The following RALGAPA1 variants were observed in gnomAD, a reference collection of about 807,000 sequenced individuals.
The protein encoded by RALGAPA1 is ral GTPase-activating protein subunit alpha-1.
In RALGAPA1, 52 loss-of-function variants were observed where a neutral mutation model predicts 269.6. The ratio of observed to expected loss-of-function variants is 0.19; its 90% CI spans 0.15 to 0.24. The LOEUF is 0.24. RALGAPA1 is among the 10% of genes least tolerant of loss of function. The probability of loss-of-function intolerance (pLI) is 1.00; values close to 1 mark genes in which losing one functional copy is unlikely to be tolerated. For synonymous variants in RALGAPA1, 817 were observed against 1,008.3 expected, an observed-to-expected ratio of 0.81 and a Z score of 3.60; for missense variants, 1,917 against 3,013.9, an observed-to-expected ratio of 0.64 and a Z score of 8.52.
rs755814149 is a variant in RALGAPA1, at chr14:35,689,962, T to G, written c.2449A>C (p.Arg817=). The part of the protein sequence containing the change: ...AQILPRSTRV[R]HFSQSEETGN... ...GTTTCTTCACTTTGTGAAAAATGTC[T>G]GACTCTAGTTGAGCGGGGAAGTATT... The change falls in exon 18 of 42, where the codon AGA becomes CGA. Residue 817 remains arginine (R), a synonymous_variant. Coordinates refer to ENST00000680220, the MANE Select transcript of RALGAPA1 (RefSeq NM_001346249.2). 10 of 1,599,084 alleles carry G rather than the reference T, an allele frequency of 6.3e-6. No individual in the cohort carries two copies. The highest frequency in any genetic ancestry group is 8.5e-6 in the Non-Finnish European group (10 of 1,175,320).
intron 1 of RALGAPA1, among the ~76,000 whole-genome samples, chr14:35,781,702 C>T (rs903587275): frequency 2.0e-5 from 3 of 152,026 alleles, no homozygotes; most frequent in African/African-American, 4.8e-5. Context: ...CACTGTAATA[C>T]CTTATGTTAA....
intron 35 of RALGAPA1, among the ~76,000 whole-genome samples, chr14:35,618,037 T>C (rs576685482): frequency 6.6e-5 from 10 of 152,164 alleles, no homozygotes; most frequent in African/African-American, 2.2e-4. Flanking sequence ...TCCCAAGAGC[T>C]AAAACCTGGA....
At chr14:35,612,157 A>C (rs946591917) in intron 35 of RALGAPA1, among the ~76,000 whole-genome samples, 4 of 152,116 alleles carry the variant, frequency 2.6e-5, no homozygotes, top group Admixed American at 6.5e-5. Flanking sequence ...AGACTGCTAG[A>C]GCTCAGGAGT....
At chr14:35,783,705 G>T (rs909328948) in intron 1 of RALGAPA1, among the ~76,000 whole-genome samples, 22 of 151,994 alleles carry the variant, frequency 1.4e-4, no homozygotes, top group African/African-American at 5.1e-4. Context: ...AATATAGAAA[G>T]AATTCTTATA....
chr14:35,677,904 G>C lies in RALGAPA1; in HGVS notation c.4624+46C>G, dbSNP rs755638147. ...GCCTTATTTATGATCTCCTGACACT[G>C]ACGCCCTAAAAGAAAAAAGGTAAAT... On this transcript the variant is annotated intron_variant, in intron 22 of 41. Transcript: ENST00000680220. 6.1e-5 allele frequency: 96 copies of C among 1,562,690 alleles called. 3 individuals carry two copies. In the South Asian group the frequency reaches 1.1e-3, roughly 17 times the overall value.
chr14:35,778,920 G>A (rs1216264802), intron 1 of RALGAPA1, among the ~76,000 whole-genome samples: 1 of 152,126 alleles, frequency 6.6e-6, no homozygotes, highest in Non-Finnish European at 1.5e-5. Context: ...TATGAAATTA[G>A]TACCATTATT....
intron 39 of RALGAPA1, among the ~76,000 whole-genome samples, chr14:35,549,765 T>C (rs1230592369): frequency 6.6e-6 from 1 of 152,194 alleles, no homozygotes; most frequent in Non-Finnish European, 1.5e-5. Flanking sequence ...TTCTCAACAA[T>C]TGTTCTCATT....
chr14:35,727,329 A>ATATATATG (rs2070043915), intron 13 of RALGAPA1, among the ~76,000 whole-genome samples: 1 of 144,910 alleles, frequency 6.9e-6, no homozygotes, highest in Admixed American at 6.9e-5. Context: ...ATATATATAT[A>ATATATATG]TATATATATA....
chr14:35,550,078 G>GT (rs1399920859), intron 39 of RALGAPA1, among the ~76,000 whole-genome samples: 3 of 152,194 alleles, frequency 2.0e-5, no homozygotes, highest in Non-Finnish European at 2.9e-5. Context: ...CAGGCTTCCT[G>GT]TTTCAGCAGG....
intron 15 of RALGAPA1, among the ~76,000 whole-genome samples, chr14:35,722,072 T>C (rs1294674372): frequency 6.6e-6 from 1 of 152,022 alleles, no homozygotes; most frequent in Non-Finnish European, 1.5e-5. Context: ...AGCAATAAGC[T>C]ATTAGAAATT....
chr14:35,762,250 T>TTTTTTG (rs886934515), intron 5 of RALGAPA1, among the ~76,000 whole-genome samples: 2 of 152,070 alleles, frequency 1.3e-5, no homozygotes, highest in East Asian at 1.9e-4. Context: ...GCTACGTTTT[T>TTTTTTG]TTTTTGTTTT....
intron 21 of RALGAPA1, among the ~76,000 whole-genome samples, chr14:35,681,387 G>A (rs2065425415): frequency 3.3e-5 from 5 of 152,070 alleles, no homozygotes; most frequent in Admixed American, 3.3e-4. Flanking sequence ...ACTACATAGA[G>A]TAAATATAGG....
intron 1 of RALGAPA1, among the ~76,000 whole-genome samples, chr14:35,777,056 T>C (rs2075090131): frequency 6.6e-6 from 1 of 152,182 alleles, no homozygotes; most frequent in Non-Finnish European, 1.5e-5. Flanking sequence ...AGAAATATAA[T>C]GCAAGCCACA....
chr14:35,767,759 C>T (rs189065059), intron 4 of RALGAPA1, among the ~76,000 whole-genome samples: 16 of 152,102 alleles, frequency 1.1e-4, no homozygotes, highest in Non-Finnish European at 8.8e-5. Flanking sequence ...CAGAATTTCT[C>T]TCTTTTTTAA....
intron 17 of RALGAPA1, among the ~76,000 whole-genome samples, chr14:35,691,521 A>G (rs1005866812): frequency 6.6e-6 from 1 of 152,234 alleles, no homozygotes; most frequent in African/African-American, 2.4e-5. Context: ...GAGAAAATTT[A>G]GATCCAGAAG....
intron 31 of RALGAPA1, among the ~76,000 whole-genome samples, chr14:35,650,239 G>T (rs1005350817): frequency 3.3e-5 from 5 of 151,384 alleles, no homozygotes; most frequent in African/African-American, 1.2e-4. Context: ...TAAAAAATTA[G>T]CCAGGCATGG....
chr14:35,705,413 T>C (rs11844916), intron 16 of RALGAPA1, among the ~76,000 whole-genome samples: 3,347 of 152,220 alleles, frequency 0.022, 124 homozygotes, highest in African/African-American at 0.076. Flanking sequence ...CACAATGTCA[T>C]ATATTTGAAA....
rs201937692 is a variant in RALGAPA1, at chr14:35,627,083, T to G, written c.6857+7A>C. ...AAAAAAAGAAAAAATTTCTCCCTTATGCTTACCGTTTGTCCCAGGAATTCA... is the reference window on the plus strand; with the variant it reads ...AAAAAAAGAAAAAATTTCTCCCTTAGGCTTACCGTTTGTCCCAGGAATTCA... On this transcript the variant is annotated splice_region_variant and intron_variant, in intron 34 of 41. Transcript: ENST00000680220. The G allele has an allele frequency of 3.0e-5, 45 of 1,510,916 alleles. No individual in the cohort carries two copies. Among genetic ancestry groups the G allele is most frequent in the Non-Finnish European group, 4.0e-5 (45 of 1,137,972 alleles). The allele number at this position is 1,510,916 out of a possible 1,614,324, so 93.6% of individuals were successfully genotyped here. A position where few individuals can be genotyped will look rare whatever the true frequency, so the allele number is the denominator to read the frequency against.
intron 17 of RALGAPA1, among the ~76,000 whole-genome samples, chr14:35,692,964 A>G (rs537290521): frequency 6.6e-6 from 1 of 152,132 alleles, no homozygotes; most frequent in African/African-American, 2.4e-5. Context: ...TCCTCACAAC[A>G]ACCCCATGAA....
Sources: gnomAD v4.1 joint callset for allele counts (sites outside exome capture counted in the v4.1 genomes callset) on GRCh38, gnomAD v4.1.1 for gene constraint, MANE v1.5 for transcripts, NCBI Gene and HGNC (gene_info 2026-07-23, HGNC 2026-07-21) for gene names.